SLC43A3: variants seen among roughly 807,000 people sequenced by gnomAD.
SLC43A3 encodes equilibrative nucleobase transporter 1.
Under a neutral mutation model 53.3 loss-of-function variants are expected in SLC43A3, and 33 were observed. The observed-to-expected ratio is 0.62, with a 90% CI of 0.47 to 0.83. The LOEUF is 0.83. SLC43A3 is among the 40% of genes least tolerant of loss of function. The probability of loss-of-function intolerance (pLI) is 0.00; values close to 1 mark genes in which losing one functional copy is unlikely to be tolerated. For synonymous variants in SLC43A3, 236 were observed against 246.2 expected (o/e 0.96, Z 0.39); for missense variants, 530 against 610.0 (o/e 0.87, Z 1.38).
chr11:57,421,657 A>G (rs1049158094), intron 5 of SLC43A3, among the ~76,000 whole-genome samples: 1 of 151,986 alleles, frequency 6.6e-6, no homozygotes, highest in African/African-American at 2.4e-5. Context: ...AAGTGAAGCC[A>G]CCTCTCTCTT....
intron 12 of SLC43A3, 80 bp from the exon 13 acceptor site, chr11:57,409,378 C>T (rs1232667357): frequency 7.1e-6 from 11 of 1,548,266 alleles, no homozygotes; most frequent in East Asian, 4.5e-5. Context: ...TGGGGGCTGT[C>T]GGCCGCTTGT....
At position 57,425,560 on chromosome 11, in the gene SLC43A3, C is replaced by T. The variant is rs766655468; in HGVS notation, c.295G>A (p.Val99Met). The T allele has an allele frequency of 3.7e-6, 6 of 1,613,826 alleles. No individual in the cohort carries two copies. Among genetic ancestry groups the T allele is most frequent in the South Asian group, 1.1e-5 (1 of 91,074 alleles). ...GYIFDRFKTT[V>M]ARLIAIFFYT... ...ACTTACATGGCTATGAGGCGTGCCACGGTGGTCTTGAACCGGTCAAAGATG... is the reference window on the plus strand; with the variant it reads ...ACTTACATGGCTATGAGGCGTGCCATGGTGGTCTTGAACCGGTCAAAGATG... Residue 99 changes from valine to methionine, a missense_variant, in exon 4 of 14, where the codon GTG (valine) becomes ATG (methionine). Val to Met is a conservative substitution (Grantham distance 21). Transcript: ENST00000395124.
intron 7 of SLC43A3, 107 bp from the exon 8 acceptor site, chr11:57,417,994 A>G (rs997643399): frequency 3.1e-6 from 3 of 981,986 alleles, no homozygotes; most frequent in Non-Finnish European, 4.6e-6. Context: ...GCAGATGAAC[A>G]GCTAAACATA....
chr11:57,418,926 T>C (rs918125146), intron 7 of SLC43A3, among the ~76,000 whole-genome samples: 23 of 152,030 alleles, frequency 1.5e-4, no homozygotes, highest in Admixed American at 1.3e-3. Context: ...AATTTTATGT[T>C]ATGTATATTT....
At position 57,424,003 on chromosome 11, in the gene SLC43A3, T is replaced by C; in HGVS notation, c.340A>G (p.Ile114Val). 1 of 1,614,206 alleles carries C rather than the reference T, an allele frequency of 6.2e-7. No individual in the cohort carries two copies. Among genetic ancestry groups the C allele is most frequent in the South Asian group, 1.1e-5 (1 of 91,084 alleles). Residue 114 changes from isoleucine to valine, a missense_variant, in exon 5 of 14, where the codon ATC becomes GTC. This residue lies in a region of SLC43A3 where 376 missense variants were observed against 386.7 expected (regional missense o/e 0.97). Coordinates refer to ENST00000395124, the MANE Select transcript of SLC43A3 (RefSeq NM_199329.3). ...AIFFYTTATL[I>V]IAFTSAGSAV... ...TCACCTGCAGAGGTGAAGGCTATGA[T>C]GAGTGTGGCGGTGGTGTAGAAAAAT...
At chr11:57,424,612 G>GT (rs1295821992) in intron 4 of SLC43A3, among the ~76,000 whole-genome samples, 4 of 149,188 alleles carry the variant, frequency 2.7e-5, no homozygotes, top group Non-Finnish European at 5.9e-5. Flanking sequence ...AAGGCATGGA[G>GT]TAAAAAAAAA....
At chr11:57,416,544 G>T (rs1365856962) in intron 9 of SLC43A3, 29 bp downstream of exon 9, 1 of 1,576,538 alleles carries the variant, frequency 6.3e-7, no homozygotes, top group East Asian at 2.2e-5. Context: ...TGGGTCTGGA[G>T]GAGAGATGGG....
chr11:57,414,294 C>T (rs1298618930), intron 11 of SLC43A3, among the ~76,000 whole-genome samples: 5 of 152,048 alleles, frequency 3.3e-5, no homozygotes, highest in African/African-American at 9.6e-5. Context: ...GCAGATCACC[C>T]GAGGTCAGGA....
chr11:57,407,593 C>A lies in SLC43A3; in HGVS notation c.*199G>T. The A allele has an allele frequency of 1.8e-6, 1 of 542,600 alleles. No individual in the cohort carries two copies. Among genetic ancestry groups the A allele is most frequent in the African/African-American group, 1.9e-5 (1 of 52,758 alleles). 33.6% of individuals were successfully genotyped at this position (542,600 alleles called of 1,614,324 possible). A position where few individuals can be genotyped will look rare whatever the true frequency, so the allele number is the denominator to read the frequency against. ...AGTTCCACATGCCTTTGCTTTGAGT[C>A]TGTGTGATATCAATCTGCTTGGCAA... On this transcript the variant is annotated 3_prime_UTR_variant, in exon 14 of 14. Transcript: ENST00000395124.
In SLC43A3 at chr11:57,421,039, C is replaced by T. The variant is rs148055054; in HGVS notation, c.464G>A (p.Arg155His). 13 of 1,613,444 alleles carry T rather than the reference C, an allele frequency of 8.1e-6. No homozygotes were observed. The highest frequency in any genetic ancestry group is 6.7e-5 in the African/African-American group (5 of 74,896). Residue 155 changes from arginine (R) to histidine (H), a missense_variant, in exon 7 of 14, where the codon CGT (arginine) becomes CAT (histidine). By Grantham distance (29) the Arg-to-His change is conservative (BLOSUM62 0). Around this residue, in one of 3 missense-constraint regions of SLC43A3, gnomAD observed 376 missense variants for 386.7 expected, o/e 0.97. Coordinates refer to ENST00000395124, the MANE Select transcript of SLC43A3 (RefSeq NM_199329.3). ...LQIGNLFGQHRSTIITLYNGA... is the reference protein window; with the variant it reads ...LQIGNLFGQHHSTIITLYNGA... ...ATTGTACAGAGTGATGATGGTCGAA[C>T]GGTGTTGGCCAAATAGGTTCCCAAT... is the stretch of plus-strand genomic sequence containing the variant.
chr11:57,424,519 C>T (rs553630237), intron 4 of SLC43A3, among the ~76,000 whole-genome samples: 1 of 152,044 alleles, frequency 6.6e-6, no homozygotes, highest in African/African-American at 2.4e-5. Context: ...AAGAAATGAT[C>T]GGACTGATCT....
At chr11:57,425,492 G>A in intron 4 of SLC43A3, 49 bp downstream of exon 4, 2 of 1,593,024 alleles carry the variant, frequency 1.3e-6, no homozygotes, top group Non-Finnish European at 1.7e-6. Context: ...GCTGCTGCCT[G>A]AAGGATTCCT....
At chr11:57,416,113 C>T (rs562234422) in intron 9 of SLC43A3, among the ~76,000 whole-genome samples, 1 of 152,174 alleles carries the variant, frequency 6.6e-6, no homozygotes, top group African/African-American at 2.4e-5. Context: ...TCTCCCACCC[C>T]GTTCTTATTT....
At chr11:57,411,398 G>A (rs1462571745) in intron 11 of SLC43A3, among the ~76,000 whole-genome samples, 1 of 137,282 alleles carries the variant, frequency 7.3e-6, no homozygotes, top group Non-Finnish European at 1.5e-5. Flanking sequence ...CAACACTTTG[G>A]GAGGCCAGGG....
chr11:57,417,688 G>C lies in SLC43A3; in HGVS notation c.671+60C>G. ...TCCTGTGATAGGTTTGCTTTACCCT[G>C]TCCATCCCACCCTAGGGCCAATGAG... is the stretch of plus-strand genomic sequence containing the variant. On this transcript the variant is annotated intron_variant, in intron 8 of 13. Coordinates refer to ENST00000395124, the MANE Select transcript of SLC43A3 (RefSeq NM_199329.3). 3.7e-6 allele frequency: 6 copies of C among 1,601,672 alleles called. No individual in the cohort carries two copies. The South Asian group carries it at 6.7e-5, about 18-fold the overall frequency.
intron 6 of SLC43A3, 93 bp downstream of exon 6, chr11:57,421,204 C>A: frequency 7.6e-7 from 1 of 1,309,622 alleles, no homozygotes; most frequent in Non-Finnish European, 1.1e-6. Flanking sequence ...TGGGCCAACC[C>A]CATCTGAGGC....
rs749931054 is a variant in SLC43A3, at chr11:57,409,954, C to A, written c.1228G>T (p.Ala410Ser). 6 of 1,611,990 alleles carry A rather than the reference C, an allele frequency of 3.7e-6. No individual in the cohort carries two copies. The African/African-American group carries it at 6.7e-5, about 18-fold the overall frequency. Residue 410 changes from alanine (A) to serine (S), a missense_variant, in exon 12 of 14, where the codon GCG becomes TCG. By Grantham distance (99) the Ala-to-Ser change is moderately conservative. Around this residue, in one of 3 missense-constraint regions of SLC43A3, gnomAD observed 124 missense variants for 166.4 expected, o/e 0.75. Coordinates refer to ENST00000395124, the MANE Select transcript of SLC43A3 (RefSeq NM_199329.3). ...ISRSFLYGSN[A>S]AFLTLAFPSE... ...ACTTACGCAAGGGTGAGGAAGGCCG[C>A]GTTGCTCCCATAGAGGAAGGAGCGG...
intron 9 of SLC43A3, 61 bp from the exon 10 acceptor site, chr11:57,415,167 A>AG: frequency 6.3e-7 from 1 of 1,583,186 alleles, no homozygotes; most frequent in Admixed American, 1.7e-5. Context: ...TAGGATGGGG[A>AG]GTGTGGAGGC....
At chr11:57,416,219 A>G (rs1446455132) in intron 9 of SLC43A3, among the ~76,000 whole-genome samples, 1 of 152,180 alleles carries the variant, frequency 6.6e-6, no homozygotes, top group Non-Finnish European at 1.5e-5. Context: ...ACAATAAGAG[A>G]GGGCGGACCC....
Sources: allele counts gnomAD v4.1 joint callset (sites outside exome capture counted in the v4.1 genomes callset), GRCh38; gene constraint gnomAD v4.1.1; regional missense constraint gnomAD v4.1.1; transcripts MANE v1.5; gene names NCBI Gene and HGNC (gene_info 2026-07-23, HGNC 2026-07-21).